Variants in ZNF83 observed in about 807,000 individuals in gnomAD.
ZNF83 encodes zinc finger protein 816B.
For synonymous variants in ZNF83, 209 were observed against 213.0 expected, an observed-to-expected ratio of 0.98 and a Z score of 0.17; for missense variants, 552 against 629.9, an observed-to-expected ratio of 0.88 and a Z score of 1.32.
At chr19:52,648,077 T>A (rs1356814674) in intron 3 of ZNF83, among the ~76,000 whole-genome samples, 1 of 151,976 alleles carries the variant, frequency 6.6e-6, no homozygotes, top group Non-Finnish European at 1.5e-5. Flanking sequence ...CTTCCTGCCT[T>A]GCTGTTCTTC....
At chr19:52,685,178 T>C (rs558858336) in intron 1 of ZNF83, among the ~76,000 whole-genome samples, 1 of 152,154 alleles carries the variant, frequency 6.6e-6, no homozygotes, top group Non-Finnish European at 1.5e-5. Context: ...ATTTTGCCAA[T>C]CATTTCAGGG....
At chr19:52,624,111 C>A (rs1030172223) in intron 2 of ZNF83, among the ~76,000 whole-genome samples, 1 of 152,122 alleles carries the variant, frequency 6.6e-6, no homozygotes, top group Non-Finnish European at 1.5e-5. Flanking sequence ...TCCGGGATAG[C>A]CCTCATTACT....
chr19:52,682,923 T>C (rs1032723638), intron 1 of ZNF83, among the ~76,000 whole-genome samples: 4 of 151,908 alleles, frequency 2.6e-5, no homozygotes, highest in African/African-American at 7.3e-5. Flanking sequence ...CAGGCTGGAG[T>C]ACAGTGGCAC....
chr19:52,617,988 C>T (rs982858650), intron 2 of ZNF83: 2 of 152,308 alleles, frequency 1.3e-5, no homozygotes, highest in Admixed American at 6.5e-5. Context: ...TTAAAGAGCA[C>T]TGTAATATGT....
At chr19:52,658,136 CAAAA>C (rs34503824) in intron 2 of ZNF83, among the ~76,000 whole-genome samples, 4 of 103,786 alleles carry the variant, frequency 3.9e-5, no homozygotes, top group Admixed American at 9.1e-5. Flanking sequence ...AACTTCATCT[CAAAA>C]AAAAAAAAAA....
rs563447813 is a variant in ZNF83, at chr19:52,671,506, G to A, written c.-282-10663C>T. ...TCACCCCGGCTGGAATGCAGTGGCA[G>A]GAACACTGCTCCTTGCACCCTCAAC... is the stretch of plus-strand genomic sequence containing the variant. On this transcript the variant is annotated intron_variant, in intron 1 of 5. Coordinates refer to the ZNF83 transcript ENST00000594682. 2.6e-3 allele frequency among the ~76,000 whole-genome samples: 396 copies of A among 152,054 alleles called. 2 individuals are homozygous for A. The highest frequency in any genetic ancestry group is 4.0e-3 in the Non-Finnish European group (269 of 67,998).
At chr19:52,633,514 C>A (rs995727200) in intron 2 of ZNF83, among the ~76,000 whole-genome samples, 3 of 152,206 alleles carry the variant, frequency 2.0e-5, no homozygotes, top group African/African-American at 7.2e-5. Flanking sequence ...TAGCGGCTCC[C>A]CAGTGAGGCT....
intron 1 of ZNF83, among the ~76,000 whole-genome samples, chr19:52,684,844 C>T (rs2061987790): frequency 1.3e-5 from 2 of 152,168 alleles, no homozygotes; most frequent in East Asian, 1.9e-4. Flanking sequence ...TGAGGGCAAG[C>T]TCCCAGGAGG....
At chr19:52,645,802 G>GC (rs10711325) in intron 3 of ZNF83, among the ~76,000 whole-genome samples, 54,405 of 146,524 alleles carry the variant, frequency 0.37, 10,604 homozygotes, top group East Asian at 0.62. Flanking sequence ...GTGAGATTCT[G>GC]CCCCCCCCCA....
intron 3 of ZNF83, chr19:52,653,296 C>A: frequency 2.9e-6 from 4 of 1,388,534 alleles, no homozygotes; most frequent in Non-Finnish European, 4.1e-6. Flanking sequence ...AAAAACCTTA[C>A]CACATTCATT....
intron 2 of ZNF83, among the ~76,000 whole-genome samples, chr19:52,629,623 T>C (rs1027028221): frequency 2.0e-5 from 3 of 152,154 alleles, no homozygotes; most frequent in Non-Finnish European, 4.4e-5. Flanking sequence ...TGGCTGGAGC[T>C]AAAGGCATAG....
In ZNF83 at chr19:52,628,443, A is replaced by C. The variant is rs540325639; in HGVS notation, c.-234+6623T>G. Among the ~76,000 whole-genome samples, 4 of 151,940 alleles carry C rather than the reference A, an allele frequency of 2.6e-5. No homozygotes were observed. In the East Asian group the frequency reaches 7.8e-4, roughly 29 times the overall value. On this transcript the variant is annotated intron_variant, in intron 2 of 2. Coordinates refer to ENST00000301096, the Ensembl canonical transcript of ZNF83. ...ACACTTCAATCTCTCCTTTCTCTTA[A>C]TTTCAATTCCTTTCATTTTCTGGTA...
At position 52,680,606 on chromosome 19, in the gene ZNF83, ATTTTT is replaced by A. The variant is rs556558292; in HGVS notation, c.-283+9832_-283+9836del. Among the ~76,000 whole-genome samples, 338 of 88,928 alleles carry A rather than the reference ATTTTT, an allele frequency of 3.8e-3. 3 individuals carry two copies. Among genetic ancestry groups the A allele is most frequent in the East Asian group, 0.017 (45 of 2,586 alleles). The allele number at this position is 88,928 out of a possible 152,430, so 58.3% of individuals were successfully genotyped here. On this transcript the variant is annotated intron_variant, in intron 1 of 5. Coordinates refer to the ZNF83 transcript ENST00000594682. ...GTTTTATTGTACTTTTCCACAAAAT[ATTTTT>A]TTTTTTTTTTTTTTTTTTTGAGACG... is the stretch of plus-strand genomic sequence containing the variant.
intron 1 of ZNF83, among the ~76,000 whole-genome samples, chr19:52,679,478 G>A (rs1233920993): frequency 6.6e-6 from 1 of 152,172 alleles, no homozygotes; most frequent in Non-Finnish European, 1.5e-5. Flanking sequence ...AGGTATGGTG[G>A]AGCATGCTTA....
intron 1 of ZNF83, among the ~76,000 whole-genome samples, chr19:52,679,774 C>G (rs963629649): frequency 6.6e-6 from 1 of 152,160 alleles, no homozygotes; most frequent in African/African-American, 2.4e-5. Context: ...TCAAAGTGTT[C>G]TTCATGAATT....
intron 1 of ZNF83, among the ~76,000 whole-genome samples, chr19:52,661,833 A>G (rs2061584655): frequency 6.6e-6 from 1 of 152,186 alleles, no homozygotes; most frequent in South Asian, 2.1e-4. Context: ...GGGAGATCAC[A>G]AAGGTTACTG....
intron 1 of ZNF83, among the ~76,000 whole-genome samples, chr19:52,688,707 A>T (rs1431934358): frequency 2.0e-5 from 3 of 152,062 alleles, no homozygotes; most frequent in African/African-American, 7.2e-5. Context: ...TCTTTTGATC[A>T]TCCTCTATCT....
intron 3 of ZNF83, among the ~76,000 whole-genome samples, chr19:52,646,568 TAATTA>T (rs1405798343): frequency 6.6e-6 from 1 of 152,124 alleles, no homozygotes; most frequent in African/African-American, 2.4e-5. Flanking sequence ...ATTAATTAGT[TAATTA>T]AATTAAAAGT....
chr19:52,687,602 TA>T (rs2062059585), intron 1 of ZNF83, among the ~76,000 whole-genome samples: 1 of 38,914 alleles, frequency 2.6e-5, no homozygotes, highest in African/African-American at 4.0e-4. Context: ...ATATAATGTA[TA>T]TATATATAAT....
Sources: allele counts gnomAD v4.1 joint callset (sites outside exome capture counted in the v4.1 genomes callset), GRCh38; gene constraint gnomAD v4.1.1; transcripts MANE v1.5; gene names NCBI Gene and HGNC (gene_info 2026-07-23, HGNC 2026-07-21).